Variants in ADCY7 observed in about 807,000 individuals in gnomAD.
ADCY7 encodes adenylate cyclase type 7.
Under a neutral mutation model 120.6 loss-of-function variants are expected in ADCY7, and 72 were observed. The observed-to-expected ratio is 0.60, with a 90% CI of 0.49 to 0.73. The LOEUF (loss-of-function observed/expected upper bound fraction) is 0.73, where lower values mean the gene tolerates loss of function less well. ADCY7 is among the 30% of genes least tolerant of loss of function. The probability of loss-of-function intolerance (pLI) is 0.00; values close to 1 mark genes in which losing one functional copy is unlikely to be tolerated. For missense variants in ADCY7, 1,227 were observed against 1,486.0 expected (o/e 0.83, Z 2.87); for synonymous variants, 661 against 628.0 (o/e 1.05, Z -0.78).
chr16:50,298,945 C>A lies in ADCY7; in HGVS notation c.990C>A (p.Tyr330Ter), dbSNP rs2035534925. ...GAATCAAGATCCTCGGCGACTGCTACTACTGTGTATCGGGCCTGCCCGTGT... is the reference window on the plus strand; with the variant it reads ...GAATCAAGATCCTCGGCGACTGCTAATACTGTGTATCGGGCCTGCCCGTGT... ...CMRIKILGDCYYCVSGLPVSL... is the reference protein window; with the variant it reads ...CMRIKILGDC Residue 330 changes from tyrosine to a stop codon, truncating the protein, a stop_gained, in exon 8 of 26, where the codon TAC becomes TAA. Transcript: ENST00000673801. LOFTEE classifies it high-confidence loss of function. The A allele has an allele frequency of 6.2e-7, 1 of 1,613,898 alleles. No individual in the cohort carries two copies. The highest frequency in any genetic ancestry group is 8.5e-7 in the Non-Finnish European group (1 of 1,180,026).
chr16:50,287,199 G>A lies in ADCY7; in HGVS notation c.-268-713G>A, dbSNP rs141065876. Among the ~76,000 whole-genome samples, 9 of 151,488 alleles carry A rather than the reference G, an allele frequency of 5.9e-5. No individual in the cohort carries two copies. In the East Asian group the frequency reaches 1.8e-3, roughly 30 times the overall value. ...TCCGGCTAATTTTTGTATTTTTAGT[G>A]GAGGGGGGTTTTACCACGTGGGCCA... is the stretch of plus-strand genomic sequence containing the variant. On this transcript the variant is annotated intron_variant, in intron 1 of 25. Coordinates refer to ENST00000673801, the MANE Select transcript of ADCY7 (RefSeq NM_001114.5).
chr16:50,314,920 T>G, intron 24 of ADCY7, 94 bp from the exon 25 acceptor site: 2 of 1,518,776 alleles, frequency 1.3e-6, no homozygotes, highest in Non-Finnish European at 1.8e-6. Flanking sequence ...TGTCCCCGCA[T>G]CCTGTGCTGG....
intron 8 of ADCY7, 139 bp downstream of exon 8, chr16:50,299,170 A>G: frequency 8.7e-7 from 1 of 1,149,364 alleles, no homozygotes; most frequent in Non-Finnish European, 1.2e-6. Flanking sequence ...GCTTGCCTGG[A>G]CCACCCAGCC....
At chr16:50,295,538 G>A (rs1265168611) in intron 7 of ADCY7, among the ~76,000 whole-genome samples, 1 of 151,736 alleles carries the variant, frequency 6.6e-6, no homozygotes, top group East Asian at 1.9e-4. Flanking sequence ...GAGGAGGAAA[G>A]GGAACAGTGT....
upstream of ADCY7, among the ~76,000 whole-genome samples, chr16:50,262,968 ATTACCT>A (rs765713052): frequency 3.7e-4 from 57 of 152,344 alleles, no homozygotes; most frequent in Admixed American, 9.1e-4. Flanking sequence ...CACCATGCTC[ATTACCT>A]TGTAATGGGG....
upstream of ADCY7, among the ~76,000 whole-genome samples, chr16:50,262,005 T>C (rs2033070926): frequency 6.6e-6 from 1 of 152,168 alleles, no homozygotes; most frequent in Non-Finnish European, 1.5e-5. Flanking sequence ...GGGGCTTTCC[T>C]TCCCCCAGTA....
intron 1 of ADCY7, among the ~76,000 whole-genome samples, chr16:50,270,896 G>A (rs867964682): frequency 2.6e-5 from 4 of 152,160 alleles, no homozygotes; most frequent in African/African-American, 4.8e-5. Flanking sequence ...TGTGTGTGCC[G>A]GGGATCCCGC....
At position 50,311,733 on chromosome 16, in the gene ADCY7, A is replaced by C; in HGVS notation, c.2395A>C (p.Thr799Pro). Residue 799 changes from threonine to proline, a missense_variant, in exon 20 of 26, where the codon ACC becomes CCC. Around this residue, in one of 5 missense-constraint regions of ADCY7, gnomAD observed 267 missense variants for 270.0 expected, o/e 0.99. Coordinates refer to ENST00000673801, the MANE Select transcript of ADCY7 (RefSeq NM_001114.5). ...TTCCTGGAAGGACCTGAAGACCATG[A>C]CCAATTTCTACCTGGTCCTGTTCTA... ...SCSWKDLKTM[T>P]NFYLVLFYIT... The C allele has an allele frequency of 6.2e-7, 1 of 1,601,286 alleles. No individual in the cohort carries two copies. Among genetic ancestry groups the C allele is most frequent in the Non-Finnish European group, 8.5e-7 (1 of 1,176,404 alleles).
intron 1 of ADCY7, among the ~76,000 whole-genome samples, chr16:50,270,220 T>TAAAC (rs1182354154): frequency 1.3e-5 from 2 of 150,876 alleles, no homozygotes; most frequent in Non-Finnish European, 3.0e-5. Flanking sequence ...GATAGATAGA[T>TAAAC]AGATAGATAA....
At chr16:50,314,775 A>AC in intron 24 of ADCY7, 1 of 516,170 alleles carries the variant, frequency 1.9e-6, no homozygotes, top group African/African-American at 1.9e-5. Context: ...AGAGATTAGC[A>AC]GATACAAGTG....
intron 1 of ADCY7, chr16:50,274,166 A>G (rs1596835622): frequency 6.6e-6 from 1 of 152,348 alleles, no homozygotes; most frequent in African/African-American, 2.4e-5. Context: ...AGAGGAGGCC[A>G]GGGAAGCTCT....
At chr16:50,266,024 C>T (rs570220906), upstream of ADCY7, among the ~76,000 whole-genome samples, 2 of 152,302 alleles carry the variant, frequency 1.3e-5, no homozygotes, top group South Asian at 2.1e-4. Context: ...GATGGGCCTG[C>T]CCCTGCCCTG....
intron 20 of ADCY7, 23 bp from the exon 21 acceptor site, chr16:50,312,013 G>A (rs776017840): frequency 1.4e-5 from 23 of 1,613,352 alleles, no homozygotes; most frequent in Middle Eastern, 3.3e-4. Context: ...TGGACGGGGC[G>A]CTTATGTTGC....
chr16:50,299,035 G>T lies in ADCY7; in HGVS notation c.1076+4G>T. 3.1e-6 allele frequency: 5 copies of T among 1,607,030 alleles called. No individual in the cohort carries two copies. Among genetic ancestry groups the T allele is most frequent in the Non-Finnish European group, 4.2e-6 (5 of 1,178,270 alleles). On this transcript the variant is annotated splice_donor_region_variant and intron_variant, in intron 8 of 25. Transcript: ENST00000673801. ...TGGACATGTGCCAGGCCATCAAGTA[G>T]GTCCTGGGCGGGCCCAGGCCCTGGG...
In ADCY7 at chr16:50,290,557, G is replaced by A. The variant is rs140023548; in HGVS notation, c.272G>A (p.Arg91His). ...VLMYVECLLR[R>H]WLRALALLTW... ...ATGTACGTCGAGTGTCTCCTGCGGC[G>A]CTGGCTCAGGGCCTTGGCGCTGCTC... The change falls in exon 3 of 26, where the codon CGC becomes CAC. Residue 91 changes from arginine to histidine, a missense_variant. Arg to His is a conservative substitution (Grantham distance 29). Transcript: ENST00000673801. 151 of 1,614,182 alleles carry A rather than the reference G, an allele frequency of 9.4e-5. 1 individual carries two copies. The Middle Eastern group carries it at 1.2e-3, about 12-fold the overall frequency.
intron 24 of ADCY7, 115 bp downstream of exon 24, chr16:50,314,521 T>C (rs1488590884): frequency 2.8e-6 from 2 of 721,022 alleles, no homozygotes; most frequent in Non-Finnish European, 4.7e-6. Context: ...GAAATCCCTC[T>C]GATCTGACAA....
Position 50,309,546 on chromosome 16 carries a change from A to G in ADCY7, c.2062-2A>G. On this transcript the variant is annotated splice_acceptor_variant, in intron 17 of 25. Transcript: ENST00000673801. LOFTEE classifies it high-confidence loss of function. ...ACTGATGGGGACCTGTCTCCTCTAC[A>G]GCCCCTGATGCCTTTCCAAGTTCCA... 6.2e-7 allele frequency: 1 copy of G among 1,613,856 alleles called. No homozygotes were observed. The highest frequency in any genetic ancestry group is 8.5e-7 in the Non-Finnish European group (1 of 1,179,862).
chr16:50,315,263 G>A (rs2036744230), intron 25 of ADCY7, 96 bp from the exon 26 acceptor site: 8 of 1,566,382 alleles, frequency 5.1e-6, no homozygotes, highest in Non-Finnish European at 6.9e-6. Flanking sequence ...ACTCTCCAGG[G>A]AAGGCAGACT....
In ADCY7 at chr16:50,260,001, T is replaced by G. The variant is rs974141130; in HGVS notation, c.-64+13798T>G. Among the ~76,000 whole-genome samples the G allele has an allele frequency of 4.2e-4, 60 of 141,802 alleles. 1 individual carries two copies. Among genetic ancestry groups the G allele is most frequent in the African/African-American group, 1.3e-3 (54 of 40,576 alleles). 93.0% of individuals were successfully genotyped at this position (141,802 alleles called of 152,430 possible). ...AAGATGCATCTGGGAGGAGGGGGAG[T>G]GTCTCCATCGAGCTGTGCTGCCTCT... On this transcript the variant is annotated intron_variant, in intron 1 of 4. Coordinates refer to the ADCY7 transcript ENST00000564044.
Sources: allele counts gnomAD v4.1 joint callset (sites outside exome capture counted in the v4.1 genomes callset), GRCh38; gene constraint gnomAD v4.1.1; regional missense constraint gnomAD v4.1.1; transcripts MANE v1.5; gene names NCBI Gene and HGNC (gene_info 2026-07-23, HGNC 2026-07-21).